UHRF2: variants seen among roughly 807,000 people sequenced by gnomAD.
UHRF2 encodes the protein E3 ubiquitin-protein ligase UHRF2.
UHRF2 carries 23 observed loss-of-function variants against 96.8 expected under a neutral mutation model. That is an observed-to-expected ratio of 0.24 (90% CI 0.17 to 0.34). The LOEUF is 0.34. Among genes scored for constraint, UHRF2 ranks in the 10% least tolerant of loss-of-function variants. The pLI is 1.00. For synonymous variants in UHRF2, 385 were observed against 332.6 expected (o/e 1.16, Z -1.72); for missense variants, 685 against 981.5 (o/e 0.70, Z 4.04).
At chr9:6,475,311 C>G (rs1823500762) in intron 4 of UHRF2, 80 bp from the exon 5 acceptor site, 6 of 762,786 alleles carry the variant, frequency 7.9e-6, no homozygotes, top group Middle Eastern at 2.6e-4. Flanking sequence ...CAGTGAGATT[C>G]CAAACTGGCT....
At chr9:6,421,812 T>C (rs1285784909) in intron 2 of UHRF2, among the ~76,000 whole-genome samples, 1 of 152,224 alleles carries the variant, frequency 6.6e-6, no homozygotes, top group Non-Finnish European at 1.5e-5. Flanking sequence ...TATACTCTTT[T>C]TGTTTTTTAT....
At chr9:6,427,345 T>C (rs1820316913) in intron 2 of UHRF2, among the ~76,000 whole-genome samples, 1 of 152,164 alleles carries the variant, frequency 6.6e-6, no homozygotes, top group Non-Finnish European at 1.5e-5. Context: ...ATTTTCAAAT[T>C]AACTTTATTC....
intron 3 of UHRF2, among the ~76,000 whole-genome samples, chr9:6,448,018 AG>A (rs1821621219): frequency 6.6e-6 from 1 of 152,208 alleles, no homozygotes; most frequent in Non-Finnish European, 1.5e-5. Flanking sequence ...CATGCTCTCC[AG>A]GAAATAGGAT....
intron 4 of UHRF2, chr9:6,468,395 C>G (rs1823006495): frequency 2.2e-6 from 1 of 454,862 alleles, no homozygotes; most frequent in Non-Finnish European, 4.4e-6. Context: ...TTAGCTAAAA[C>G]AACTAAATAG....
chr9:6,418,871 G>T (rs1353454092), intron 1 of UHRF2, among the ~76,000 whole-genome samples: 1 of 152,180 alleles, frequency 6.6e-6, no homozygotes, highest in African/African-American at 2.4e-5. Flanking sequence ...GTCTAGCAAG[G>T]TGTCAGCAGG....
chr9:6,478,123 T>C (rs1363508702), intron 6 of UHRF2, among the ~76,000 whole-genome samples: 2 of 152,230 alleles, frequency 1.3e-5, no homozygotes, highest in African/African-American at 4.8e-5. Context: ...CTGTGTGATA[T>C]TTAGTTGCTT....
chr9:6,436,819 CAT>C (rs1385671925), intron 3 of UHRF2, among the ~76,000 whole-genome samples: 1 of 152,106 alleles, frequency 6.6e-6, no homozygotes, highest in Non-Finnish European at 1.5e-5. Flanking sequence ...CTAAATCCAA[CAT>C]GTGTGAAAAG....
At chr9:6,493,970 A>G in intron 10 of UHRF2, 38 bp downstream of exon 10, 3 of 1,577,526 alleles carry the variant, frequency 1.9e-6, no homozygotes, top group Non-Finnish European at 1.7e-6. Flanking sequence ...TGAACATTGA[A>G]TAAAAGTTTC....
chr9:6,504,830 C>A, intron 15 of UHRF2, 139 bp downstream of exon 15: 3 of 544,814 alleles, frequency 5.5e-6, no homozygotes, highest in Non-Finnish European at 9.6e-6. Flanking sequence ...CATTTAGTTA[C>A]GTCTTGGTGG....
chr9:6,460,766 G>A lies in UHRF2; in HGVS notation c.838G>A (p.Glu280Lys), dbSNP rs758119466. 6.2e-7 allele frequency: 1 copy of A among 1,612,512 alleles called. No individual in the cohort carries two copies. Residue 280 changes from glutamate to lysine, a missense_variant, in exon 4 of 16, where the codon GAA (glutamate) becomes AAA (lysine). Coordinates refer to ENST00000276893, the MANE Select transcript of UHRF2 (RefSeq NM_152896.3). ...GAAGACAATCTCAAGGACCAAAAAA[G>A]AACTTCGTGTGAAAATTTTCCTGGG... ...TLKTISRTKK[E>K]LRVKIFLGGS...
At chr9:6,488,700 C>T (rs1356276750) in intron 9 of UHRF2, among the ~76,000 whole-genome samples, 3 of 151,576 alleles carry the variant, frequency 2.0e-5, no homozygotes, top group African/African-American at 7.3e-5. Flanking sequence ...TGGGGTTTCT[C>T]CATATTGGCC....
intron 2 of UHRF2, among the ~76,000 whole-genome samples, chr9:6,424,386 G>C (rs997914549): frequency 1.4e-5 from 2 of 144,228 alleles, no homozygotes; most frequent in Admixed American, 7.0e-5. Flanking sequence ...AATTAAGAGA[G>C]AATTTTTAGC....
intron 4 of UHRF2, among the ~76,000 whole-genome samples, chr9:6,463,994 G>T (rs1427494683): frequency 2.6e-5 from 4 of 152,174 alleles, no homozygotes; most frequent in Non-Finnish European, 5.9e-5. Flanking sequence ...TTACTAGGTT[G>T]TAGAACCTGT....
intron 3 of UHRF2, among the ~76,000 whole-genome samples, chr9:6,437,053 A>G (rs1272579305): frequency 6.6e-6 from 1 of 152,202 alleles, no homozygotes; most frequent in East Asian, 1.9e-4. Context: ...TGAGCCCGAT[A>G]TGGTTGTGAT....
intron 3 of UHRF2, among the ~76,000 whole-genome samples, chr9:6,440,136 C>G (rs1012776208): frequency 6.6e-6 from 1 of 152,054 alleles, no homozygotes; most frequent in Admixed American, 6.5e-5. Context: ...AGCAGTCTTG[C>G]AAGTAGAGAC....
At chr9:6,502,846 C>T (rs746457158) in intron 14 of UHRF2, among the ~76,000 whole-genome samples, 3 of 152,146 alleles carry the variant, frequency 2.0e-5, no homozygotes, top group African/African-American at 4.8e-5. Flanking sequence ...AGCATCTCCA[C>T]ATAATTGCCA....
intron 1 of UHRF2, among the ~76,000 whole-genome samples, chr9:6,415,747 C>G (rs1297272124): frequency 6.6e-6 from 1 of 152,148 alleles, no homozygotes; most frequent in Non-Finnish European, 1.5e-5. Context: ...ATCAGAATCG[C>G]TTGTGGATAT....
chr9:6,469,684 A>G (rs184266184), intron 4 of UHRF2, among the ~76,000 whole-genome samples: 21 of 149,880 alleles, frequency 1.4e-4, no homozygotes, highest in East Asian at 1.4e-3. Flanking sequence ...GTGTATGTAT[A>G]TATATACACG....
chr9:6,502,095 T>C (rs567963413), intron 14 of UHRF2, among the ~76,000 whole-genome samples: 1 of 152,334 alleles, frequency 6.6e-6, no homozygotes, highest in African/African-American at 2.4e-5. Flanking sequence ...CAGGAACACA[T>C]TTATTAAGCC....
Sources: gnomAD v4.1 joint callset for allele counts (sites outside exome capture counted in the v4.1 genomes callset) on GRCh38, gnomAD v4.1.1 for gene constraint, MANE v1.5 for transcripts, NCBI Gene and HGNC (gene_info 2026-07-23, HGNC 2026-07-21) for gene names.